The following CTNNA3 variants were observed in gnomAD, a reference collection of about 807,000 sequenced individuals.
The protein encoded by CTNNA3 is catenin alpha-3.
In CTNNA3, 76 loss-of-function variants were observed where a neutral mutation model predicts 95.7. The observed-to-expected ratio is 0.79, with a 90% CI of 0.66 to 0.96. The LOEUF is 0.96. Among genes scored for constraint, CTNNA3 ranks in the 40% least tolerant of loss-of-function variants. The probability of loss-of-function intolerance (pLI) is 0.00; values close to 1 mark genes in which losing one functional copy is unlikely to be tolerated. For missense variants in CTNNA3, 1,191 were observed against 1,089.8 expected, an observed-to-expected ratio of 1.09 and a Z score of -1.31; for synonymous variants, 431 against 374.4, an observed-to-expected ratio of 1.15 and a Z score of -1.74.
intron 5 of CTNNA3, among the ~76,000 whole-genome samples, chr10:67,317,154 G>A (rs1376310293): frequency 2.2e-5 from 3 of 135,434 alleles, no homozygotes; most frequent in African/African-American, 7.5e-5. Flanking sequence ...ACATATCATC[G>A]GGTTTTGTTT....
intron 5 of CTNNA3, among the ~76,000 whole-genome samples, chr10:67,488,340 C>T (rs1700045895): frequency 6.6e-6 from 1 of 152,172 alleles, no homozygotes; most frequent in Admixed American, 6.6e-5. Context: ...GGGCAAGACT[C>T]TATGGGTCAG....
intron 10 of CTNNA3, among the ~76,000 whole-genome samples, 198 bp from the exon 11 acceptor site, chr10:66,520,971 T>C (rs1327109274): frequency 6.6e-6 from 1 of 151,126 alleles, no homozygotes; most frequent in Non-Finnish European, 1.5e-5. Flanking sequence ...TACTCATTCA[T>C]GTTAAACATA....
chr10:66,431,068 A>G lies in CTNNA3; in HGVS notation c.1532-51716T>C, dbSNP rs1288951214. The stretch of plus-strand genomic sequence containing the variant: ...AAATTTACAAGAAAAAAAAAAACCC[A>G]TCAAAAAGTGGGCAAAGGATATGAA... On this transcript the variant is annotated intron_variant, in intron 11 of 17. Transcript: ENST00000433211. 2.0e-5 allele frequency among the ~76,000 whole-genome samples: 3 copies of G among 151,358 alleles called. No homozygotes were observed. The East Asian group carries it at 5.9e-4, about 30-fold the overall frequency.
At chr10:66,592,608 G>A (rs1317783141) in intron 10 of CTNNA3, among the ~76,000 whole-genome samples, 1 of 152,170 alleles carries the variant, frequency 6.6e-6, no homozygotes, top group East Asian at 1.9e-4. Context: ...CCTCTACAGA[G>A]TTATAAGCAA....
intron 11 of CTNNA3, among the ~76,000 whole-genome samples, chr10:66,438,011 C>T (rs563981786): frequency 3.3e-5 from 5 of 152,290 alleles, no homozygotes; most frequent in Admixed American, 1.3e-4. Context: ...CGTTTGCCTA[C>T]GTATCACCAG....
chr10:67,562,775 A>T (rs1564742544), intron 3 of CTNNA3, among the ~76,000 whole-genome samples: 1 of 152,190 alleles, frequency 6.6e-6, no homozygotes. Flanking sequence ...TAAGCTGATA[A>T]GCAACTTCAA....
intron 1 of CTNNA3, among the ~76,000 whole-genome samples, chr10:67,687,591 G>T (rs1840758433): frequency 6.6e-6 from 1 of 152,112 alleles, no homozygotes; most frequent in Non-Finnish European, 1.5e-5. Context: ...CACCGAGGTT[G>T]CCAGGTTTAA....
At chr10:67,369,114 T>C (rs1010636409) in intron 5 of CTNNA3, among the ~76,000 whole-genome samples, 15 of 152,200 alleles carry the variant, frequency 9.9e-5, no homozygotes, top group African/African-American at 3.6e-4. Context: ...GTATGTATAA[T>C]GCATTACATA....
intron 5 of CTNNA3, among the ~76,000 whole-genome samples, chr10:67,386,996 T>G (rs566688370): frequency 1.3e-5 from 2 of 152,234 alleles, no homozygotes; most frequent in South Asian, 4.1e-4. Context: ...CTTCCTATCC[T>G]TCTTTAAATC....
intron 2 of CTNNA3, among the ~76,000 whole-genome samples, chr10:67,615,256 A>G (rs975580271): frequency 6.6e-6 from 1 of 152,260 alleles, no homozygotes; most frequent in African/African-American, 2.4e-5. Flanking sequence ...ATTGAGGGAC[A>G]GTAACAAAGC....
At chr10:65,959,688 C>T (rs1047455359) in intron 17 of CTNNA3, among the ~76,000 whole-genome samples, 4 of 152,136 alleles carry the variant, frequency 2.6e-5, no homozygotes, top group African/African-American at 9.7e-5. Flanking sequence ...CCACACCTGG[C>T]TAATATTTGT....
chr10:66,649,764 T>A (rs761489259), intron 9 of CTNNA3, among the ~76,000 whole-genome samples: 6 of 152,174 alleles, frequency 3.9e-5, no homozygotes, highest in Non-Finnish European at 8.8e-5. Flanking sequence ...AGCCCCAGTA[T>A]CAGGCAAGCC....
At chr10:67,154,599 C>G (rs1337865348) in intron 7 of CTNNA3, among the ~76,000 whole-genome samples, 1 of 152,164 alleles carries the variant, frequency 6.6e-6, no homozygotes, top group East Asian at 1.9e-4. Context: ...AATGGACAAC[C>G]ATAGAAGTCA....
chr10:67,248,192 C>T lies in CTNNA3; in HGVS notation c.580-28322G>A, dbSNP rs568016924. Among the ~76,000 whole-genome samples, 12 of 152,034 alleles carry T rather than the reference C, an allele frequency of 7.9e-5. 1 individual carries two copies. In the South Asian group the frequency reaches 2.1e-3, roughly 26 times the overall value. On this transcript the variant is annotated intron_variant, in intron 5 of 17. Coordinates refer to ENST00000433211, the MANE Select transcript of CTNNA3 (RefSeq NM_013266.4). The stretch of plus-strand genomic sequence containing the variant: ...CAAAGATTAGCTGGGTGTGGTGGCA[C>T]GTGCCTGTAGTCCTAACTACTTGGG...
intron 7 of CTNNA3, among the ~76,000 whole-genome samples, chr10:67,094,304 T>C (rs1857836366): frequency 6.6e-6 from 1 of 151,872 alleles, no homozygotes; most frequent in South Asian, 2.1e-4. Context: ...TCTAACGAAA[T>C]AAGTATTTCC....
chr10:67,528,733 G>T (rs1207601337), intron 4 of CTNNA3, among the ~76,000 whole-genome samples: 1 of 152,050 alleles, frequency 6.6e-6, no homozygotes, highest in Non-Finnish European at 1.5e-5. Context: ...TTAGAAATTT[G>T]AATCCCTAGC....
chr10:66,088,510 TG>T (rs2081075849), intron 14 of CTNNA3, among the ~76,000 whole-genome samples: 1 of 151,050 alleles, frequency 6.6e-6, no homozygotes, highest in African/African-American at 2.4e-5. Context: ...TGTGTGTGTG[TG>T]TGTGTGTGTG....
intron 12 of CTNNA3, among the ~76,000 whole-genome samples, chr10:66,349,431 T>G (rs2132385766): frequency 6.6e-6 from 1 of 152,144 alleles, no homozygotes; most frequent in Non-Finnish European, 1.5e-5. Flanking sequence ...AACCCACATG[T>G]GAGTATTGTT....
chr10:67,752,448 C>T (rs1841412541), intron 1 of CTNNA3, among the ~76,000 whole-genome samples: 1 of 152,152 alleles, frequency 6.6e-6, no homozygotes, highest in Non-Finnish European at 1.5e-5. Flanking sequence ...TCTCACCACT[C>T]CTATTCAACA....
Sources: gnomAD v4.1 joint callset for allele counts (sites outside exome capture counted in the v4.1 genomes callset) on GRCh38, gnomAD v4.1.1 for gene constraint, MANE v1.5 for transcripts, NCBI Gene and HGNC (gene_info 2026-07-23, HGNC 2026-07-21) for gene names.